The following NUP160 variants were observed in gnomAD, a reference collection of about 807,000 sequenced individuals.
The protein encoded by NUP160 is nucleoporin 160.
Under a neutral mutation model 196.9 loss-of-function variants are expected in NUP160, and 94 were observed. The ratio of observed to expected loss-of-function variants is 0.48; its 90% CI spans 0.40 to 0.57. The LOEUF (loss-of-function observed/expected upper bound fraction) is 0.57. NUP160 is among the 20% of genes least tolerant of loss of function. NUP160 has a pLI of 0.00. For synonymous variants in NUP160, 605 were observed against 619.7 expected (o/e 0.98, Z 0.35); for missense variants, 1,638 against 1,748.3 (o/e 0.94, Z 1.13).
At chr11:47,803,535 T>A (rs2097675639) in exon 22 of NUP160, 1 of 1,566,164 alleles carries the variant, frequency 6.4e-7, no homozygotes, top group African/African-American at 1.3e-5. Context: ...TTGAATATAA[T>A]CCTTAAAGGC....
At chr11:47,811,801 T>C (rs994213100) in intron 17 of NUP160, among the ~76,000 whole-genome samples, 8 of 152,286 alleles carry the variant, frequency 5.3e-5, no homozygotes, top group Middle Eastern at 3.4e-3. Flanking sequence ...CCAGGATCCA[T>C]TAGCTATTCT....
chr11:47,829,676 T>C (rs1013594086), intron 7 of NUP160, among the ~76,000 whole-genome samples: 7 of 152,124 alleles, frequency 4.6e-5, no homozygotes. Flanking sequence ...ATGAGAAGAC[T>C]GAAGCTGGAT....
chr11:47,832,853 C>G (rs1450049431), intron 7 of NUP160, among the ~76,000 whole-genome samples: 1 of 152,140 alleles, frequency 6.6e-6, no homozygotes, highest in African/African-American at 2.4e-5. Context: ...ATGGATGAAC[C>G]TTGAAAATAT....
rs140675152 is a variant in NUP160, at chr11:47,782,474, C to T, written c.4116+599G>A. Among the ~76,000 whole-genome samples the T allele has an allele frequency of 2.4e-3, 362 of 150,236 alleles. 1 individual carries two copies. The highest frequency in any genetic ancestry group is 0.014 in the Middle Eastern group (4 of 290). ...AATACATCTAACCTAATGAACATCA[C>T]GGCTTAGCCTAGCCTACTTAACCAT... On this transcript the variant is annotated intron_variant, in intron 34 of 35. Transcript: ENST00000378460.
At chr11:47,782,299 AAAAAATATATATATATATAT>A (rs1565184415) in intron 34 of NUP160, among the ~76,000 whole-genome samples, 1 of 45,444 alleles carries the variant, frequency 2.2e-5, no homozygotes, top group East Asian at 4.7e-4. Flanking sequence ...TAAAAAAAAA[AAAAAATATATATATATATAT>A]ATATATATAT....
intron 18 of NUP160, 75 bp from the exon 19 acceptor site, chr11:47,807,215 A>C: frequency 2.3e-6 from 2 of 878,514 alleles, no homozygotes; most frequent in Non-Finnish European, 3.7e-6. Context: ...TCTTCTACGA[A>C]GAACACTGTC....
At chr11:47,782,047 G>A (rs577997736) in intron 34 of NUP160, among the ~76,000 whole-genome samples, 27 of 151,866 alleles carry the variant, frequency 1.8e-4, no homozygotes, top group African/African-American at 6.3e-4. Flanking sequence ...TTGGGAGGCC[G>A]AGGTGGGTGG....
Position 47,794,729 on chromosome 11 carries a change from G to A in NUP160, c.3290-1783C>T, listed in dbSNP as rs761146637. ...TCAAGACCAGCCTGACCAACACATG[G>A]TGAAACCCTCTCTCTACTAAAAATG... is the stretch of plus-strand genomic sequence containing the variant. On this transcript the variant is annotated intron_variant, in intron 27 of 35. Coordinates refer to ENST00000378460, the Ensembl canonical transcript of NUP160. Among the ~76,000 whole-genome samples, 3 of 152,056 alleles carry A rather than the reference G, an allele frequency of 2.0e-5. No homozygotes were observed. The East Asian group carries it at 5.8e-4, about 29-fold the overall frequency.
intron 24 of NUP160, 39 bp from the exon 25 acceptor site, chr11:47,798,301 T>C (rs746718008): frequency 5.2e-6 from 8 of 1,549,058 alleles, no homozygotes; most frequent in Non-Finnish European, 7.1e-6. Flanking sequence ...AAAAGAGCAA[T>C]AGAAATGAAC....
At chr11:47,827,479 C>T (rs1851994602) in intron 7 of NUP160, among the ~76,000 whole-genome samples, 1 of 151,688 alleles carries the variant, frequency 6.6e-6, no homozygotes, top group Non-Finnish European at 1.5e-5. Flanking sequence ...CTTAGCAATA[C>T]AAATTAGGAA....
chr11:47,827,695 GA>G (rs1035244671), intron 7 of NUP160, among the ~76,000 whole-genome samples: 49 of 141,458 alleles, frequency 3.5e-4, no homozygotes, highest in African/African-American at 3.1e-4. Flanking sequence ...GTGACAGAGT[GA>G]AAAAAAAAAA....
intron 2 of NUP160, chr11:47,841,429 A>C (rs1306878229): frequency 4.5e-6 from 2 of 447,534 alleles, no homozygotes; most frequent in Non-Finnish European, 8.6e-6. Flanking sequence ...CACTTGGTTC[A>C]CAGGCGCCAC....
intron 7 of NUP160, among the ~76,000 whole-genome samples, chr11:47,826,726 C>G (rs1267526551): frequency 1.3e-5 from 2 of 152,090 alleles, no homozygotes; most frequent in African/African-American, 4.8e-5. Flanking sequence ...CCACGCTTGG[C>G]TAATTTTTGT....
Position 47,813,418 on chromosome 11 carries a change from G to A in NUP160, c.1687-3C>T, listed in dbSNP as rs2097682291. 2 of 1,584,170 alleles carry A rather than the reference G, an allele frequency of 1.3e-6. No homozygotes were observed. Among genetic ancestry groups the A allele is most frequent in the African/African-American group, 2.7e-5 (2 of 74,250 alleles). On this transcript the variant is annotated splice_polypyrimidine_tract_variant and splice_region_variant and intron_variant, in intron 13 of 35. Transcript: ENST00000378460. ...GGAATAAGGAAAGACAGGTACCCCT[G>A]GAAATACAAATTTTCCAGTTACATT...
chr11:47,806,812 C>T (rs1233414044), intron 19 of NUP160, among the ~76,000 whole-genome samples: 33 of 144,618 alleles, frequency 2.3e-4, no homozygotes, highest in Non-Finnish European at 3.8e-4. Context: ...CACACACACA[C>T]ACACACACAC....
chr11:47,848,460 G>C, exon 1 of NUP160: 1 of 1,445,304 alleles, frequency 6.9e-7, no homozygotes, highest in Non-Finnish European at 9.2e-7. Context: ...TCGTTGCGAG[G>C]CTTCCACCGG....
intron 2 of NUP160, chr11:47,841,766 C>A: frequency 5.4e-6 from 1 of 185,648 alleles, no homozygotes; most frequent in South Asian, 9.7e-5. Context: ...TAGCTCACTA[C>A]AGCCTCGAAC....
exon 1 of NUP160, chr11:47,848,447 C>T (rs575389910): frequency 3.3e-5 from 49 of 1,496,110 alleles, no homozygotes; most frequent in Non-Finnish European, 4.0e-5. Context: ...CGGCTCCGGC[C>T]CTTCGTTGCG....
chr11:47,820,676 T>C (rs968778265), intron 9 of NUP160, among the ~76,000 whole-genome samples: 4 of 152,032 alleles, frequency 2.6e-5, no homozygotes, highest in Non-Finnish European at 5.9e-5. Flanking sequence ...CTCAGCCTCC[T>C]GAGTAGCTGG....
Sources: gnomAD v4.1 joint callset for allele counts (sites outside exome capture counted in the v4.1 genomes callset) on GRCh38, gnomAD v4.1.1 for gene constraint, MANE v1.5 for transcripts, NCBI Gene and HGNC (gene_info 2026-07-23, HGNC 2026-07-21) for gene names.